OLFM2: variants seen among roughly 807,000 people sequenced by gnomAD.
OLFM2 encodes olfactomedin 2.
OLFM2 carries 20 observed loss-of-function variants against 43.9 expected under a neutral mutation model. That is an observed-to-expected ratio of 0.46 (90% CI 0.32 to 0.66). The LOEUF (loss-of-function observed/expected upper bound fraction) is 0.66. Ranked by LOEUF, OLFM2 falls within the 30% of genes least tolerant of loss-of-function variation. OLFM2 has a pLI of 0.04. For synonymous variants in OLFM2, 268 were observed against 278.6 expected (o/e 0.96, Z 0.38); for missense variants, 416 against 643.6 (o/e 0.65, Z 3.83).
chr19:9,890,666 G>A (rs956038594), intron 1 of OLFM2, among the ~76,000 whole-genome samples: 8 of 152,320 alleles, frequency 5.3e-5, no homozygotes, highest in Non-Finnish European at 1.2e-4. Flanking sequence ...TTAAGAGCCG[G>A]TGTGGACCAG....
At chr19:9,926,506 C>T (rs868574400) in intron 1 of OLFM2, among the ~76,000 whole-genome samples, 31 of 149,806 alleles carry the variant, frequency 2.1e-4, no homozygotes, top group African/African-American at 6.9e-4. Flanking sequence ...GAGCTGAGAT[C>T]GCGCCACTGC....
At position 9,936,379 on chromosome 19, in the gene OLFM2, G is replaced by C; in HGVS notation, c.-13C>G. On this transcript the variant is annotated 5_prime_UTR_variant, in exon 1 of 6. Transcript: ENST00000264833. ...TGAGCGGCCACATGACGCGCCCCTA[G>C]CCCGGCGTCCCGACCCCCGCCCGCC... 6.9e-7 allele frequency: 1 copy of C among 1,442,618 alleles called. No individual in the cohort carries two copies. Among genetic ancestry groups the C allele is most frequent in the Non-Finnish European group, 9.1e-7 (1 of 1,099,812 alleles). The allele number at this position is 1,442,618 out of a possible 1,614,324, so 89.4% of individuals were successfully genotyped here.
chr19:9,928,250 G>A (rs928831951), intron 1 of OLFM2, among the ~76,000 whole-genome samples: 2 of 151,662 alleles, frequency 1.3e-5, no homozygotes, highest in Non-Finnish European at 1.5e-5. Flanking sequence ...AAAAGAACCC[G>A]GCTCACCATG....
chr19:9,853,719 C>G lies in OLFM2; in HGVS notation c.*467G>C. The stretch of plus-strand genomic sequence containing the variant: ...TGGACACACACAGTCACCGAAGCGT[C>G]AAATGTCAAAGGTCCTGTTTATTCC... On this transcript the variant is annotated 3_prime_UTR_variant, in exon 6 of 6. Transcript: ENST00000264833. 1 of 410,202 alleles carries G rather than the reference C, an allele frequency of 2.4e-6. No homozygotes were observed. Among genetic ancestry groups the G allele is most frequent in the East Asian group, 3.5e-5 (1 of 28,764 alleles). 25.4% of individuals were successfully genotyped at this position (410,202 alleles called of 1,614,324 possible). A position where few individuals can be genotyped will look rare whatever the true frequency, so the allele number is the denominator to read the frequency against.
chr19:9,884,510 G>A (rs553781340), intron 1 of OLFM2, among the ~76,000 whole-genome samples: 1 of 152,266 alleles, frequency 6.6e-6, no homozygotes, highest in East Asian at 1.9e-4. Context: ...CTGGGAGGTG[G>A]AGGTTGCACT....
Position 9,856,942 on chromosome 19 carries a change from AT to A in OLFM2, c.581-30del. On this transcript the variant is annotated intron_variant, in intron 4 of 5. Transcript: ENST00000264833. The surrounding 1 kb of genome is among the most constrained non-coding windows in gnomAD (Gnocchi z 4.0). Reference sequence around the variant, plus strand: ...GGAGGCAGGAACAGGGGGAATGAGGATGGGGAAATGAACAGCCCAAGAGAGG... The same window carrying A: ...GGAGGCAGGAACAGGGGGAATGAGGAGGGGAAATGAACAGCCCAAGAGAGG... 6.5e-7 allele frequency: 1 copy of A among 1,543,382 alleles called. No individual in the cohort carries two copies. The highest frequency in any genetic ancestry group is 8.9e-7 in the Non-Finnish European group (1 of 1,128,202).
chr19:9,922,922 AAAAG>A (rs1481361709), intron 1 of OLFM2, among the ~76,000 whole-genome samples: 4 of 151,784 alleles, frequency 2.6e-5, no homozygotes, highest in Non-Finnish European at 4.4e-5. Flanking sequence ...AAAAAAAAAA[AAAAG>A]AAAGAAAAAA....
At chr19:9,927,925 T>A (rs2086462825) in intron 1 of OLFM2, among the ~76,000 whole-genome samples, 1 of 149,428 alleles carries the variant, frequency 6.7e-6, no homozygotes, top group Admixed American at 6.7e-5. Flanking sequence ...AGCTGGGCCC[T>A]GTGGCTCATG....
intron 1 of OLFM2, chr19:9,913,439 G>C (rs868338971): frequency 5.8e-5 from 59 of 1,013,086 alleles, no homozygotes; most frequent in Non-Finnish European, 6.8e-5. Flanking sequence ...TGTGGCGCGG[G>C]TACCACGCCC....
chr19:9,882,480 G>C (rs1385814716), intron 1 of OLFM2, among the ~76,000 whole-genome samples: 1 of 152,048 alleles, frequency 6.6e-6, no homozygotes, highest in Non-Finnish European at 1.5e-5. Flanking sequence ...GCAGCTTGCA[G>C]TGAGCCAAGA....
chr19:9,888,863 G>A (rs56160930), intron 1 of OLFM2, among the ~76,000 whole-genome samples: 1,675 of 152,078 alleles, frequency 0.011, 22 homozygotes, highest in African/African-American at 0.036. Context: ...TCAGGAGATC[G>A]AGACCATCCT....
At chr19:9,868,465 C>G (rs1242698076) in intron 1 of OLFM2, among the ~76,000 whole-genome samples, 2 of 152,008 alleles carry the variant, frequency 1.3e-5, no homozygotes, top group East Asian at 1.9e-4. Context: ...CCTCAGCCTC[C>G]CAAAGTATTG....
rs199978707 is a variant in OLFM2, at chr19:9,854,155, C to T, written c.*31G>A. ...AAGGGCCCCCAGCCCCCAGAGGCCC[C>T]CCAGGCAGCAGCCCGAGCCACAGCA... is the stretch of plus-strand genomic sequence containing the variant. On this transcript the variant is annotated 3_prime_UTR_variant, in exon 6 of 6. Coordinates refer to ENST00000264833, the MANE Select transcript of OLFM2 (RefSeq NM_058164.4). The surrounding 1 kb of genome is among the most constrained non-coding windows in gnomAD (Gnocchi z 9.5). The T allele has an allele frequency of 2.5e-6, 4 of 1,611,068 alleles. No individual in the cohort carries two copies. In the Admixed American group the frequency reaches 6.7e-5, roughly 27 times the overall value.
chr19:9,901,174 GGAAAAGAAAGAA>G (rs1259500300), intron 1 of OLFM2, among the ~76,000 whole-genome samples: 2 of 141,658 alleles, frequency 1.4e-5, no homozygotes, highest in Non-Finnish European at 3.0e-5. Flanking sequence ...AAGGAAGGAA[GGAAAAGAAAGAA>G]GGAAAGAAGG....
chr19:9,857,971 CGAG>C lies in OLFM2; in HGVS notation c.214-113_214-111del. Reference sequence around the variant, plus strand: ...AGAGGCTGTACAAACACCACACCGACGAGGCCACCTTCTCCTCCCCTGAGCTTA... The same window carrying C: ...AGAGGCTGTACAAACACCACACCGACGCCACCTTCTCCTCCCCTGAGCTTA... On this transcript the variant is annotated intron_variant, in intron 2 of 5. Transcript: ENST00000264833. This position sits in a 1 kb window ranked among gnomAD's most constrained non-coding sequence, Gnocchi z 5.7. 1 of 1,369,062 alleles carries C rather than the reference CGAG, an allele frequency of 7.3e-7. No individual in the cohort carries two copies. The highest frequency in any genetic ancestry group is 1.0e-6 in the Non-Finnish European group (1 of 974,136). 84.8% of individuals were successfully genotyped at this position (1,369,062 alleles called of 1,614,324 possible).
chr19:9,860,493 G>T, intron 2 of OLFM2, 152 bp downstream of exon 2: 1 of 587,432 alleles, frequency 1.7e-6, no homozygotes, highest in Non-Finnish European at 2.7e-6. Flanking sequence ...AAAAAAAAAA[G>T]GACCTGCCTG....
chr19:9,892,653 A>T (rs1248839823), intron 1 of OLFM2, among the ~76,000 whole-genome samples: 1 of 152,080 alleles, frequency 6.6e-6, no homozygotes, highest in African/African-American at 2.4e-5. Context: ...AGATGACGCC[A>T]CTGCACTCCA....
intron 1 of OLFM2, among the ~76,000 whole-genome samples, chr19:9,934,042 A>C (rs371948587): frequency 3.3e-5 from 5 of 151,978 alleles, no homozygotes; most frequent in Admixed American, 6.6e-5. Flanking sequence ...GTGCATAATC[A>C]TATCTGTTCA....
At chr19:9,917,061 C>T (rs944680978) in intron 1 of OLFM2, among the ~76,000 whole-genome samples, 1 of 152,150 alleles carries the variant, frequency 6.6e-6, no homozygotes, top group Non-Finnish European at 1.5e-5. Flanking sequence ...CCATCACACC[C>T]ACTCTCAAGG....
Sources: allele counts gnomAD v4.1 joint callset (sites outside exome capture counted in the v4.1 genomes callset), GRCh38; gene constraint gnomAD v4.1.1; non-coding constraint Gnocchi (gnomAD v3.1); transcripts MANE v1.5; gene names NCBI Gene and HGNC (gene_info 2026-07-23, HGNC 2026-07-21).